NKAIN2: variants seen among roughly 807,000 people sequenced by gnomAD.
The protein encoded by NKAIN2 is sodium/potassium transporting ATPase interacting 2.
In NKAIN2, 14 loss-of-function variants were observed where a neutral mutation model predicts 32.6. The ratio of observed to expected loss-of-function variants is 0.43; its 90% CI spans 0.28 to 0.67. The LOEUF (loss-of-function observed/expected upper bound fraction) is 0.67. Among genes scored for constraint, NKAIN2 ranks in the 30% least tolerant of loss-of-function variants. The probability of loss-of-function intolerance (pLI) is 0.17; values close to 1 mark genes in which losing one functional copy is unlikely to be tolerated. For synonymous variants in NKAIN2, 80 were observed against 87.2 expected (o/e 0.92, Z 0.46); for missense variants, 198 against 258.3 (o/e 0.77, Z 1.60).
chr6:124,589,927 GT>G (rs1263188108), intron 3 of NKAIN2, among the ~76,000 whole-genome samples: 2 of 151,836 alleles, frequency 1.3e-5, no homozygotes, highest in African/African-American at 4.8e-5. Flanking sequence ...AACATGCAGT[GT>G]TTGGTTTTCT....
intron 3 of NKAIN2, among the ~76,000 whole-genome samples, chr6:124,466,284 T>A (rs1776752296): frequency 6.6e-6 from 1 of 152,274 alleles, no homozygotes; most frequent in East Asian, 1.9e-4. Flanking sequence ...GAGAACAAGC[T>A]ACTCTAAGTA....
chr6:123,938,571 A>G (rs534610567), intron 1 of NKAIN2, among the ~76,000 whole-genome samples: 1 of 132,276 alleles, frequency 7.6e-6, no homozygotes, highest in African/African-American at 2.8e-5. Context: ...TTTATATATT[A>G]TATATATTTA....
At chr6:124,357,397 A>G (rs531589680) in intron 3 of NKAIN2, among the ~76,000 whole-genome samples, 2 of 152,178 alleles carry the variant, frequency 1.3e-5, no homozygotes, top group Non-Finnish European at 2.9e-5. Flanking sequence ...CAGGTAATAC[A>G]GTGCCAGAAG....
chr6:124,703,199 A>G (rs1409170365), intron 4 of NKAIN2, among the ~76,000 whole-genome samples: 1 of 151,840 alleles, frequency 6.6e-6, no homozygotes, highest in African/African-American at 2.4e-5. Flanking sequence ...CTTCAAGACT[A>G]CCTCTGACTG....
rs555587716 is a variant in NKAIN2, at chr6:123,807,256, A to G, written c.54+3002A>G. Among the ~76,000 whole-genome samples, 12 of 152,238 alleles carry G rather than the reference A, an allele frequency of 7.9e-5. No individual in the cohort carries two copies. The East Asian group carries it at 1.7e-3, about 22-fold the overall frequency. On this transcript the variant is annotated intron_variant, in intron 1 of 6. Transcript: ENST00000368417. ...TTCCATTTTATGAAAAACTGTTTCC[A>G]TATATATCATAAATTAAAATCTTTG...
At chr6:124,503,475 A>G (rs1687341566) in intron 3 of NKAIN2, among the ~76,000 whole-genome samples, 1 of 152,144 alleles carries the variant, frequency 6.6e-6, no homozygotes, top group African/African-American at 2.4e-5. Context: ...TTCTACTTAC[A>G]CAATATTGAG....
At position 124,747,897 on chromosome 6, in the gene NKAIN2, C is replaced by A. The variant is rs557078047; in HGVS notation, c.475-43442C>A. Among the ~76,000 whole-genome samples the A allele has an allele frequency of 2.6e-5, 4 of 152,004 alleles. No homozygotes were observed. In the East Asian group the frequency reaches 7.8e-4, roughly 30 times the overall value. On this transcript the variant is annotated intron_variant, in intron 4 of 6. Coordinates refer to ENST00000368417, the MANE Select transcript of NKAIN2 (RefSeq NM_001040214.3). ...ACTCTTCCCTTTCTTCCCTCTATTT[C>A]CTCATGATATAGTCTTAGCACTTCT...
chr6:124,410,143 A>T (rs1332789469), intron 3 of NKAIN2, among the ~76,000 whole-genome samples: 1 of 152,094 alleles, frequency 6.6e-6, no homozygotes, highest in Non-Finnish European at 1.5e-5. Flanking sequence ...TCAAAAAACC[A>T]GCTCCTGGAT....
rs534776924 is a variant in NKAIN2 at position 124,375,402 on chromosome 6, TTA to T, written c.273+20065_273+20066del. Among the ~76,000 whole-genome samples, 1,150 of 147,542 alleles carry T rather than the reference TTA, an allele frequency of 7.8e-3. 5 individuals are homozygous for T. The highest frequency in any genetic ancestry group is 0.016 in the African/African-American group (634 of 40,736). ...CTATATATATATATATGTATATAAA[TTA>T]TATATATATGTATATAAATTACATA... On this transcript the variant is annotated intron_variant, in intron 3 of 6. Coordinates refer to ENST00000368417, the MANE Select transcript of NKAIN2 (RefSeq NM_001040214.3).
At chr6:124,271,794 G>T (rs1794805365) in intron 1 of NKAIN2, among the ~76,000 whole-genome samples, 2 of 152,194 alleles carry the variant, frequency 1.3e-5, no homozygotes, top group South Asian at 4.1e-4. Context: ...GGCTGAGGTG[G>T]TCACAGATGG....
intron 3 of NKAIN2, among the ~76,000 whole-genome samples, chr6:124,507,509 T>G (rs1275567939): frequency 6.6e-6 from 1 of 152,208 alleles, no homozygotes; most frequent in African/African-American, 2.4e-5. Flanking sequence ...CTTTTGGTAG[T>G]CAGCGTATCC....
chr6:124,710,991 G>C (rs1350014371), intron 4 of NKAIN2, among the ~76,000 whole-genome samples: 1 of 149,116 alleles, frequency 6.7e-6, no homozygotes, highest in Admixed American at 6.7e-5. Flanking sequence ...TCCATGTTTA[G>C]CGCTTCCTTC....
intron 1 of NKAIN2, among the ~76,000 whole-genome samples, chr6:123,864,181 T>A (rs1485623165): frequency 1.3e-5 from 2 of 152,202 alleles, no homozygotes; most frequent in Non-Finnish European, 2.9e-5. Flanking sequence ...TCTCCCAGAT[T>A]TCTATAGCCT....
At chr6:124,440,643 T>C (rs556575499) in intron 3 of NKAIN2, among the ~76,000 whole-genome samples, 2 of 152,250 alleles carry the variant, frequency 1.3e-5, no homozygotes, top group South Asian at 2.1e-4. Context: ...ATCCACTGTG[T>C]AGTATCAGTT....
intron 1 of NKAIN2, among the ~76,000 whole-genome samples, chr6:124,182,472 G>A (rs1407269919): frequency 6.6e-6 from 1 of 152,118 alleles, no homozygotes; most frequent in African/African-American, 2.4e-5. Flanking sequence ...TGTATTCTTT[G>A]AAATTATTAG....
chr6:124,467,752 TCAA>T (rs1776819699), intron 3 of NKAIN2, among the ~76,000 whole-genome samples: 3 of 152,102 alleles, frequency 2.0e-5, no homozygotes, highest in African/African-American at 7.2e-5. Flanking sequence ...AAATAAAACA[TCAA>T]AAGGATAATG....
chr6:123,895,466 G>A (rs1355523506), intron 1 of NKAIN2, among the ~76,000 whole-genome samples: 1 of 152,056 alleles, frequency 6.6e-6, no homozygotes, highest in Non-Finnish European at 1.5e-5. Context: ...AAAGAATCCA[G>A]CTAGCTTAGC....
chr6:123,845,663 A>G (rs549599629), intron 1 of NKAIN2, among the ~76,000 whole-genome samples: 23 of 152,166 alleles, frequency 1.5e-4, no homozygotes, highest in Non-Finnish European at 2.9e-4. Flanking sequence ...GCTGACTTTT[A>G]TATATGTGGG....
intron 4 of NKAIN2, among the ~76,000 whole-genome samples, chr6:124,721,403 CA>C (rs11330814): frequency 0.5 from 50,592 of 101,426 alleles, 8,732 homozygotes; most frequent in African/African-American, 0.53. Flanking sequence ...GACTCCGTCT[CA>C]AAAAAAAAAA....
Sources: allele counts gnomAD v4.1 joint callset (sites outside exome capture counted in the v4.1 genomes callset), GRCh38; gene constraint gnomAD v4.1.1; transcripts MANE v1.5; gene names NCBI Gene and HGNC (gene_info 2026-07-23, HGNC 2026-07-21).